ABI3BP: variants seen among roughly 807,000 people sequenced by gnomAD.
The protein encoded by ABI3BP is target of Nesh-SH3.
ABI3BP carries 216 observed loss-of-function variants against 268.6 expected under a neutral mutation model. That is an observed-to-expected ratio of 0.80 (90% confidence interval 0.72 to 0.90). The LOEUF is 0.90. Among genes scored for constraint, ABI3BP ranks in the 40% least tolerant of loss-of-function variants. ABI3BP has a pLI of 0.00. For synonymous variants in ABI3BP, 730 were observed against 730.0 expected (o/e 1.00, Z 0.00); for missense variants, 2,090 against 2,182.4 (o/e 0.96, Z 0.84).
chr3:100,820,088 G>T, intron 40 of ABI3BP, 132 bp downstream of exon 40: 1 of 722,694 alleles, frequency 1.4e-6, no homozygotes, highest in South Asian at 2.0e-5. Flanking sequence ...CTCAACAGGG[G>T]GAGCAGTAGC....
At chr3:100,784,432 A>G (rs2096963440) in intron 57 of ABI3BP, among the ~76,000 whole-genome samples, 1 of 152,174 alleles carries the variant, frequency 6.6e-6, no homozygotes, top group African/African-American at 2.4e-5. Context: ...CGCTGGTGGG[A>G]ATGTAAATTA....
chr3:100,800,507 T>C (rs540163139), intron 51 of ABI3BP, among the ~76,000 whole-genome samples: 1 of 152,326 alleles, frequency 6.6e-6, no homozygotes, highest in African/African-American at 2.4e-5. Flanking sequence ...GGAGTCTCAC[T>C]CTGTCACCCA....
chr3:100,753,040 C>A, intron 65 of ABI3BP, 92 bp from the exon 66 acceptor site: 1 of 1,209,868 alleles, frequency 8.3e-7, no homozygotes, highest in Non-Finnish European at 1.1e-6. Context: ...CTTGCTGATA[C>A]CTTTTTTTCC....
rs745618584 is a variant in ABI3BP at position 100,775,305 on chromosome 3, G to A, written c.4364C>T (p.Pro1455Leu). The A allele has an allele frequency of 1.9e-6, 3 of 1,607,456 alleles. No homozygotes were observed. The highest frequency in any genetic ancestry group is 1.7e-6 in the Non-Finnish European group (2 of 1,176,716). ...AGGCCTGGGTGTTGACCTCAGGGGTGGTGTAGTTATTGGGCCTGATGAAAT... is the reference window on the plus strand; with the variant it reads ...AGGCCTGGGTGTTGACCTCAGGGGTAGTGTAGTTATTGGGCCTGATGAAAT... ...GIISSGPITT[P>L]PLRSTPRPTG... Residue 1455 changes from proline to leucine, a missense_variant, in exon 60 of 68, where the codon CCA becomes CTA. Coordinates refer to ENST00000471714, the MANE Select transcript of ABI3BP (RefSeq NM_001375547.2).
chr3:100,836,715 AAC>A (rs2098597699), intron 27 of ABI3BP, among the ~76,000 whole-genome samples: 1 of 152,224 alleles, frequency 6.6e-6, no homozygotes, highest in Non-Finnish European at 1.5e-5. Context: ...GTGAGAAAGA[AAC>A]AGTTATGTAC....
chr3:100,750,645 T>C (rs2095258633), intron 67 of ABI3BP, 35 bp from the exon 68 acceptor site: 2 of 1,514,410 alleles, frequency 1.3e-6, no homozygotes, highest in Admixed American at 1.7e-5. Context: ...TAATAGCTGC[T>C]GTATTATATT....
intron 61 of ABI3BP, among the ~76,000 whole-genome samples, chr3:100,774,223 G>A (rs550735865): frequency 2.4e-4 from 36 of 152,212 alleles, no homozygotes; most frequent in South Asian, 1.7e-3. Flanking sequence ...ATGGACATTG[G>A]TAGATATGAC....
Position 100,864,095 on chromosome 3 carries a change from C to T in ABI3BP, c.1064-19G>A. 1 of 1,500,366 alleles carries T rather than the reference C, an allele frequency of 6.7e-7. No individual in the cohort carries two copies. Among genetic ancestry groups the T allele is most frequent in the Non-Finnish European group, 9.0e-7 (1 of 1,114,236 alleles). The allele number at this position is 1,500,366 out of a possible 1,614,324, so 92.9% of individuals were successfully genotyped here. A position where few individuals can be genotyped will look rare whatever the true frequency, so the allele number is the denominator to read the frequency against. ...CTGAGAACTACAATAAAAAAGAGTG[C>T]AGTTAGCAACTCCTGGACTTGGGTT... On this transcript the variant is annotated intron_variant, in intron 11 of 67. Coordinates refer to ENST00000471714, the MANE Select transcript of ABI3BP (RefSeq NM_001375547.2).
intron 34 of ABI3BP, among the ~76,000 whole-genome samples, chr3:100,826,789 T>C (rs1307385260): frequency 6.6e-6 from 1 of 152,064 alleles, no homozygotes; most frequent in African/African-American, 2.4e-5. Context: ...CAGTAAATTA[T>C]TGTCTACACT....
At chr3:100,991,067 C>T (rs2092834789) in intron 1 of ABI3BP, among the ~76,000 whole-genome samples, 1 of 152,132 alleles carries the variant, frequency 6.6e-6, no homozygotes, top group South Asian at 2.1e-4. Context: ...CCCCTGTTCC[C>T]TTTGAGCATC....
intron 1 of ABI3BP, among the ~76,000 whole-genome samples, chr3:100,927,277 G>T (rs1037882084): frequency 1.3e-5 from 2 of 152,114 alleles, no homozygotes; most frequent in Non-Finnish European, 2.9e-5. Flanking sequence ...TGACCAAATG[G>T]TGAGGAAACA....
intron 49 of ABI3BP, 144 bp downstream of exon 49, chr3:100,810,268 A>G (rs1436816335): frequency 1.6e-6 from 1 of 613,324 alleles, no homozygotes; most frequent in Non-Finnish European, 2.7e-6. Context: ...ATTACCAATG[A>G]TAGCAGGACA....
chr3:100,810,583 A>C, intron 48 of ABI3BP, 106 bp from the exon 49 acceptor site: 1 of 769,212 alleles, frequency 1.3e-6, no homozygotes. Flanking sequence ...AAATAAAGAA[A>C]ATTGCAAGTC....
chr3:100,888,822 T>C (rs1249108764), intron 4 of ABI3BP, among the ~76,000 whole-genome samples: 3 of 151,810 alleles, frequency 2.0e-5, no homozygotes, highest in African/African-American at 7.3e-5. Flanking sequence ...AGCACTATCA[T>C]TTTTTTTCAA....
rs1229118984 is a variant in ABI3BP at position 100,749,475 on chromosome 3, GATTCCC to G, written c.*1014_*1019del. ...AGAATGACTGCAACAGTGCAGCAAGGATTCCCATTCCCCGCCTAAAGGACAATACCT... is the reference window on the plus strand; with the variant it reads ...AGAATGACTGCAACAGTGCAGCAAGGATTCCCCGCCTAAAGGACAATACCT... On this transcript the variant is annotated 3_prime_UTR_variant, in exon 68 of 68. Transcript: ENST00000471714. 5.1e-6 allele frequency: 2 copies of G among 394,594 alleles called. No homozygotes were observed. Among genetic ancestry groups the G allele is most frequent in the Non-Finnish European group, 4.5e-6 (1 of 223,600 alleles). The allele number at this position is 394,594 out of a possible 1,614,324, so 24.4% of individuals were successfully genotyped here.
chr3:100,823,033 T>G (rs1411190612), intron 37 of ABI3BP, among the ~76,000 whole-genome samples: 6 of 152,080 alleles, frequency 3.9e-5, no homozygotes, highest in Non-Finnish European at 1.5e-5. Flanking sequence ...TCTATAGAGC[T>G]CTTAAAATCT....
chr3:100,894,298 A>T (rs1330662894), intron 4 of ABI3BP, among the ~76,000 whole-genome samples: 2 of 152,210 alleles, frequency 1.3e-5, no homozygotes, highest in African/African-American at 4.8e-5. Context: ...TTCAAGAGAA[A>T]AAGTCTGAGT....
At chr3:100,921,237 A>G (rs755202851) in intron 2 of ABI3BP, among the ~76,000 whole-genome samples, 1 of 152,228 alleles carries the variant, frequency 6.6e-6, no homozygotes, top group Non-Finnish European at 1.5e-5. Context: ...CATAGTGAAC[A>G]CATATTTTTA....
intron 4 of ABI3BP, among the ~76,000 whole-genome samples, chr3:100,894,854 G>A (rs1182261829): frequency 2.7e-5 from 4 of 148,174 alleles, no homozygotes; most frequent in Non-Finnish European, 6.0e-5. Flanking sequence ...CAGGAGAATG[G>A]CGTGAACCCG....
Sources: allele counts gnomAD v4.1 joint callset (sites outside exome capture counted in the v4.1 genomes callset), GRCh38; gene constraint gnomAD v4.1.1; transcripts MANE v1.5; gene names NCBI Gene and HGNC (gene_info 2026-07-23, HGNC 2026-07-21).